ASPH: variants seen among roughly 807,000 people sequenced by gnomAD.
ASPH encodes aspartate beta-hydroxylase.
In ASPH, 100 loss-of-function variants were observed where a neutral mutation model predicts 118.4. The observed-to-expected ratio is 0.84, with a 90% confidence interval of 0.72 to 1.00. ASPH has a LOEUF of 1.00. Ranked by LOEUF, ASPH falls within the 50% of genes least tolerant of loss-of-function variation. The probability of loss-of-function intolerance (pLI) is 0.00; values close to 1 mark genes in which losing one functional copy is unlikely to be tolerated. For missense variants in ASPH, 920 were observed against 919.5 expected, an observed-to-expected ratio of 1.00 and a Z score of -0.01; for synonymous variants, 315 against 325.6, an observed-to-expected ratio of 0.97 and a Z score of 0.35.
chr8:61,622,800 G>A (rs2150559443), intron 13 of ASPH, among the ~76,000 whole-genome samples: 1 of 152,320 alleles, frequency 6.6e-6, no homozygotes, highest in South Asian at 2.1e-4. Context: ...GCAGGCAGAA[G>A]TAATACTTAT....
In ASPH at chr8:61,684,082, T is replaced by A. The variant is rs761104899; in HGVS notation, c.210A>T (p.Val70=). ...CAACAAGATCAAACCAAACGACAGC[T>A]ACAGATGTCCAGACGCCCAGCAATG... ...VIALLGVWTS[V]AVVWFDLVDY... is the part of the protein sequence containing the mutation. The change falls in exon 2 of 25, where the codon GTA becomes GTT. Residue 70 remains valine, a synonymous_variant. Transcript: ENST00000379454. 33 of 1,613,676 alleles carry A rather than the reference T, an allele frequency of 2.0e-5. No individual in the cohort carries two copies. The South Asian group carries it at 3.4e-4, about 17-fold the overall frequency.
chr8:61,629,449 T>G (rs190592588), intron 13 of ASPH, among the ~76,000 whole-genome samples: 1 of 152,158 alleles, frequency 6.6e-6, no homozygotes, highest in South Asian at 2.1e-4. Flanking sequence ...AACTATGAGT[T>G]TAAGGAGAAA....
intron 13 of ASPH, among the ~76,000 whole-genome samples, chr8:61,620,077 T>A (rs1220696491): frequency 6.6e-6 from 1 of 152,148 alleles, no homozygotes; most frequent in African/African-American, 2.4e-5. Context: ...GAAAAGTAAA[T>A]CTGAGGCTGG....
At chr8:61,586,567 G>A (rs927761395) in intron 14 of ASPH, among the ~76,000 whole-genome samples, 3 of 152,106 alleles carry the variant, frequency 2.0e-5, no homozygotes, top group Admixed American at 1.3e-4. Context: ...CTCACTCTGC[G>A]CCAGTCGCCC....
In ASPH at chr8:61,503,228, G is replaced by C; in HGVS notation, c.*131C>G. The C allele has an allele frequency of 9.1e-7, 1 of 1,103,958 alleles. No individual in the cohort carries two copies. The highest frequency in any genetic ancestry group is 1.2e-6 in the Non-Finnish European group (1 of 810,488). 68.4% of individuals were successfully genotyped at this position (1,103,958 alleles called of 1,614,324 possible). ...TAGTGTCTTCTGACCCTAGGAGGAG[G>C]CTTTGAATTACTCGGGCTGCAAGTC... On this transcript the variant is annotated 3_prime_UTR_variant, in exon 25 of 25. Coordinates refer to ENST00000379454, the MANE Select transcript of ASPH (RefSeq NM_004318.4).
intron 3 of ASPH, among the ~76,000 whole-genome samples, chr8:61,679,187 AG>A (rs1195660587): frequency 6.6e-6 from 1 of 152,158 alleles, no homozygotes; most frequent in African/African-American, 2.4e-5. Context: ...AAACTAGTAC[AG>A]GAAGAGTAAA....
intron 14 of ASPH, among the ~76,000 whole-genome samples, chr8:61,585,909 G>T (rs1289058422): frequency 6.6e-6 from 1 of 152,084 alleles, no homozygotes; most frequent in Non-Finnish European, 1.5e-5. Context: ...TAAAATTAGG[G>T]GTGTTTTTGA....
At chr8:61,616,759 C>T (rs1428847418) in intron 14 of ASPH, among the ~76,000 whole-genome samples, 3 of 152,206 alleles carry the variant, frequency 2.0e-5, no homozygotes, top group Admixed American at 6.5e-5. Flanking sequence ...CACCTTCTTC[C>T]CTAATTCACC....
At chr8:61,702,106 T>G (rs886341034) in intron 1 of ASPH, among the ~76,000 whole-genome samples, 2 of 152,114 alleles carry the variant, frequency 1.3e-5, no homozygotes, top group African/African-American at 4.8e-5. Context: ...CAAATGTACC[T>G]ACCAAGAGAA....
chr8:61,552,423 A>G (rs1826343312), intron 20 of ASPH, among the ~76,000 whole-genome samples: 1 of 152,246 alleles, frequency 6.6e-6, no homozygotes. Context: ...TTTAGCTACT[A>G]CATTTTTTGT....
intron 24 of ASPH, among the ~76,000 whole-genome samples, chr8:61,510,840 TGATGACCTGTG>T (rs1482130457): frequency 6.6e-6 from 1 of 152,224 alleles, no homozygotes; most frequent in Non-Finnish European, 1.5e-5. Flanking sequence ...CAGGCTTCAG[TGATGACCTGTG>T]GATAAGGTCA....
intron 24 of ASPH, among the ~76,000 whole-genome samples, chr8:61,508,012 C>T (rs780852598): frequency 2.6e-5 from 4 of 152,030 alleles, no homozygotes; most frequent in Non-Finnish European, 5.9e-5. Flanking sequence ...TCTCTCCTCC[C>T]ACCTAACCCT....
At chr8:61,662,565 AATC>A (rs1244282596) in intron 3 of ASPH, among the ~76,000 whole-genome samples, 1 of 152,226 alleles carries the variant, frequency 6.6e-6, no homozygotes, top group East Asian at 1.9e-4. Flanking sequence ...TTAACCCTCT[AATC>A]ATGACTGAAA....
At chr8:61,680,936 CCACT>C in intron 3 of ASPH, 28 bp downstream of exon 3, 1 of 1,540,186 alleles carries the variant, frequency 6.5e-7, no homozygotes, top group Non-Finnish European at 8.8e-7. Flanking sequence ...CATTTTATCA[CCACT>C]AACAAAAAAC....
chr8:61,668,702 T>TA (rs1820920330), intron 3 of ASPH, among the ~76,000 whole-genome samples: 1 of 152,222 alleles, frequency 6.6e-6, no homozygotes, highest in Admixed American at 6.5e-5. Context: ...CATATTTTGA[T>TA]AGAGTTCATC....
chr8:61,570,021 T>A (rs1832976174), intron 16 of ASPH, among the ~76,000 whole-genome samples: 1 of 152,210 alleles, frequency 6.6e-6, no homozygotes, highest in South Asian at 2.1e-4. Flanking sequence ...GAGAGTCCTT[T>A]CAAAACCATC....
chr8:61,536,023 A>G (rs1012156186), intron 21 of ASPH, among the ~76,000 whole-genome samples: 6 of 150,164 alleles, frequency 4.0e-5, no homozygotes, highest in African/African-American at 1.2e-4. Flanking sequence ...ATACAGATAA[A>G]AGAAAACAGG....
chr8:61,685,311 C>T (rs1160790096), intron 1 of ASPH, among the ~76,000 whole-genome samples: 1 of 152,156 alleles, frequency 6.6e-6, no homozygotes, highest in Non-Finnish European at 1.5e-5. Flanking sequence ...CCACATGTTC[C>T]CTTCAGGGGC....
rs578112562 is a variant in ASPH, at chr8:61,599,841, A to T, written c.977-15812T>A. On this transcript the variant is annotated intron_variant, in intron 14 of 24. Transcript: ENST00000379454. ...TTGAATTTCACCAAACTTTTAAAGAACTAACACCAATTCTCAAACTATTCC... is the reference window on the plus strand; with the variant it reads ...TTGAATTTCACCAAACTTTTAAAGATCTAACACCAATTCTCAAACTATTCC... Among the ~76,000 whole-genome samples, 11 of 152,290 alleles carry T rather than the reference A, an allele frequency of 7.2e-5. 1 individual carries two copies. Among genetic ancestry groups the T allele is most frequent in the Admixed American group, 5.2e-4 (8 of 15,288 alleles).
Sources: allele counts gnomAD v4.1 joint callset (sites outside exome capture counted in the v4.1 genomes callset), GRCh38; gene constraint gnomAD v4.1.1; transcripts MANE v1.5; gene names NCBI Gene and HGNC (gene_info 2026-07-23, HGNC 2026-07-21).